SRF: variants seen among roughly 807,000 people sequenced by gnomAD.
SRF encodes the protein serum response factor, also known as c-fos serum response element-binding transcription factor.
In SRF, 7 loss-of-function variants were observed where a neutral mutation model predicts 37.1. The observed-to-expected ratio is 0.19, with a 90% CI of 0.11 to 0.35. The LOEUF is 0.35. Ranked by LOEUF, SRF falls within the 10% of genes least tolerant of loss-of-function variation. SRF has a pLI of 1.00. For synonymous variants in SRF, 285 were observed against 310.1 expected, an observed-to-expected ratio of 0.92 and a Z score of 0.85; for missense variants, 395 against 694.4, an observed-to-expected ratio of 0.57 and a Z score of 4.85.
rs1239029148 is a variant in SRF at position 43,172,212 on chromosome 6, G to GT, written c.513+44dup. 1.3e-6 allele frequency: 2 copies of GT among 1,586,000 alleles called. No homozygotes were observed. The highest frequency in any genetic ancestry group is 1.7e-6 in the Non-Finnish European group (2 of 1,171,872). On this transcript the variant is annotated intron_variant, in intron 1 of 6. Coordinates refer to ENST00000265354, the MANE Select transcript of SRF (RefSeq NM_003131.4). The surrounding 1 kb of genome is among the most constrained non-coding windows in gnomAD (Gnocchi z 5.7). ...TGGCCGGCCCCGGGGCCCGGTTGGG[G>GT]TGGGGATGTGCAAAGGGAGCCCGGG... is the stretch of plus-strand genomic sequence containing the variant.
At position 43,171,887 on chromosome 6, in the gene SRF, C is replaced by T; in HGVS notation, c.231C>T (p.Ser77=). 1 of 1,403,654 alleles carries T rather than the reference C, an allele frequency of 7.1e-7. No homozygotes were observed. The highest frequency in any genetic ancestry group is 9.2e-7 in the Non-Finnish European group (1 of 1,083,226). The allele number at this position is 1,403,654 out of a possible 1,614,324, so 86.9% of individuals were successfully genotyped here. A position where few individuals can be genotyped will look rare whatever the true frequency, so the allele number is the denominator to read the frequency against. ...CGCCCACCGCGGGGGCCCTCTACAGCGGCAGCGAGGGCGACTCGGAGTCGG... is the reference window on the plus strand; with the variant it reads ...CGCCCACCGCGGGGGCCCTCTACAGTGGCAGCGAGGGCGACTCGGAGTCGG... ...TPAPTAGALY[S]GSEGDSESGE... Residue 77 remains serine, a synonymous_variant, in exon 1 of 7, where the codon AGC becomes AGT. Transcript: ENST00000265354. The surrounding 1 kb of genome is among the most constrained non-coding windows in gnomAD (Gnocchi z 6.5).
In SRF at chr6:43,178,862, T is replaced by A. The variant is rs747014595; in HGVS notation, c.1411T>A (p.Ser471Thr). ...ASSGTVQIPV[S>T]AVQLHQMAVI... Reference sequence around the variant, plus strand: ...ATCTGGGACAGTGCAGATCCCTGTTTCAGCAGTTCAGCTCCACCAGGTAGG... The same window carrying A: ...ATCTGGGACAGTGCAGATCCCTGTTACAGCAGTTCAGCTCCACCAGGTAGG... The change falls in exon 6 of 7, where the codon TCA (serine) becomes ACA (threonine). Residue 471 changes from serine (S) to threonine (T), a missense_variant. Ser to Thr is a moderately conservative substitution (Grantham distance 58). This residue lies in a region of SRF where 232 missense variants were observed against 335.6 expected (regional missense o/e 0.69). Coordinates refer to ENST00000265354, the MANE Select transcript of SRF (RefSeq NM_003131.4). This position sits in a 1 kb window ranked among gnomAD's most constrained non-coding sequence, Gnocchi z 4.3. 5.6e-6 allele frequency: 9 copies of A among 1,614,142 alleles called. No individual in the cohort carries two copies. The African/African-American group carries it at 1.1e-4, about 19-fold the overall frequency.
chr6:43,174,445 T>A (rs959024009), intron 2 of SRF, among the ~76,000 whole-genome samples: 1 of 151,570 alleles, frequency 6.6e-6, no homozygotes, highest in Non-Finnish European at 1.5e-5. Context: ...CCGGGCTGGG[T>A]CGCCAGGGAG....
rs1214712261 is a variant in SRF, at chr6:43,173,167, A to C, written c.514-680A>C. ...GTCCCCTTCCTGGGCTCATGGCAGG[A>C]TGTTTAGTGCTAATCTAGGTCTCGT... On this transcript the variant is annotated intron_variant, in intron 1 of 6. Transcript: ENST00000265354. This position sits in a 1 kb window ranked among gnomAD's most constrained non-coding sequence, Gnocchi z 4.2. Among the ~76,000 whole-genome samples, 1 of 152,082 alleles carries C rather than the reference A, an allele frequency of 6.6e-6. No individual in the cohort carries two copies. The highest frequency in any genetic ancestry group is 2.4e-5 in the African/African-American group (1 of 41,412).
rs776515081 is a variant in SRF, at chr6:43,178,457, G to C, written c.1326G>C (p.Gln442His). Residue 442 changes from glutamine (Q) to histidine (H), a missense_variant, in exon 5 of 7, where the codon CAG (glutamine) becomes CAC (histidine). Physicochemically the swap from Gln to His is conservative, Grantham distance 24 (BLOSUM62 0). Coordinates refer to ENST00000265354, the MANE Select transcript of SRF (RefSeq NM_003131.4). This position sits in a 1 kb window ranked among gnomAD's most constrained non-coding sequence, Gnocchi z 4.3. ...TCTCCCAGGCACCATCCACCATGCA[G>C]GTGTCACACAGCCAGGTCCAGGAGC... ...NAFSQAPSTMQVSHSQVQEPG... is the reference protein window; with the variant it reads ...NAFSQAPSTMHVSHSQVQEPG... 9.9e-6 allele frequency: 16 copies of C among 1,613,928 alleles called. No homozygotes were observed. The highest frequency in any genetic ancestry group is 1.0e-5 in the Non-Finnish European group (12 of 1,179,866).
Position 43,171,637 on chromosome 6 carries a change from G to T in SRF, c.-20G>T, listed in dbSNP as rs1371911301. ...CCGATTCCTCGCTGACTGCCCGTCC[G>T]CCCTCCTGCATCGAGCGCCATGTTA... On this transcript the variant is annotated 5_prime_UTR_variant, in exon 1 of 7. Transcript: ENST00000265354. This position sits in a 1 kb window ranked among gnomAD's most constrained non-coding sequence, Gnocchi z 6.5. The T allele has an allele frequency of 1.4e-5, 17 of 1,201,780 alleles. No homozygotes were observed. Among genetic ancestry groups the T allele is most frequent in the East Asian group, 3.4e-5 (1 of 29,002 alleles). The allele number at this position is 1,201,780 out of a possible 1,614,324, so 74.4% of individuals were successfully genotyped here.
rs1293211904 is a variant in SRF, at chr6:43,174,127, G to A, written c.780+14G>A. 7 of 1,613,244 alleles carry A rather than the reference G, an allele frequency of 4.3e-6. No individual in the cohort carries two copies. The highest frequency in any genetic ancestry group is 5.9e-6 in the Non-Finnish European group (7 of 1,179,550). ...GGGGAGACCAAGGTGTGTTTGGGTT[G>A]CCTATGTGAGAGGAGGGAAGGGAGT... On this transcript the variant is annotated intron_variant, in intron 2 of 6. Transcript: ENST00000265354.
rs1772092993 is a variant in SRF at position 43,171,426 on chromosome 6, G to C, written c.-231G>C. ...GCCCGGCGCGCCGCCCTAGCAGACG[G>C]ACAGGGGGCGCTGCGCGCGGCCTGG... is the stretch of plus-strand genomic sequence containing the variant. On this transcript the variant is annotated 5_prime_UTR_variant, in exon 1 of 7. Coordinates refer to ENST00000265354, the MANE Select transcript of SRF (RefSeq NM_003131.4). The surrounding 1 kb of genome is among the most constrained non-coding windows in gnomAD (Gnocchi z 6.5). 3.3e-6 allele frequency: 1 copy of C among 298,826 alleles called. No individual in the cohort carries two copies. The highest frequency in any genetic ancestry group is 5.8e-6 in the Non-Finnish European group (1 of 172,140). 18.5% of individuals were successfully genotyped at this position (298,826 alleles called of 1,614,324 possible). A position where few individuals can be genotyped will look rare whatever the true frequency, so the allele number is the denominator to read the frequency against.
Position 43,176,286 on chromosome 6 carries a change from G to T in SRF, c.1043-262G>T, listed in dbSNP as rs185179643. ...TGACTGGAAGGCAGATCATGTCTTT[G>T]ATGGGTTATTGCCAGCTCTTGGGTC... On this transcript the variant is annotated intron_variant, in intron 3 of 6. Transcript: ENST00000265354. The surrounding 1 kb of genome is among the most constrained non-coding windows in gnomAD (Gnocchi z 4.0). Among the ~76,000 whole-genome samples, 1 of 152,336 alleles carries T rather than the reference G, an allele frequency of 6.6e-6. No homozygotes were observed. The highest frequency in any genetic ancestry group is 1.5e-5 in the Non-Finnish European group (1 of 68,024).
At chr6:43,177,783 C>T (rs888047392) in intron 4 of SRF, among the ~76,000 whole-genome samples, 2 of 151,466 alleles carry the variant, frequency 1.3e-5, no homozygotes, top group African/African-American at 4.8e-5. Context: ...GGCTTGATGG[C>T]AGGCATCTGT....
chr6:43,177,228 GTTTT>G (rs544658252), intron 4 of SRF, among the ~76,000 whole-genome samples: 2 of 116,806 alleles, frequency 1.7e-5, no homozygotes, highest in Admixed American at 9.0e-5. Context: ...ATCGGAGTCT[GTTTT>G]TTTTTTTTTT....
chr6:43,177,668 C>A (rs1328405950), intron 4 of SRF, among the ~76,000 whole-genome samples: 1 of 150,924 alleles, frequency 6.6e-6, no homozygotes, highest in South Asian at 2.1e-4. Context: ...GTAATCCCAG[C>A]GCTTTGGGAG....
rs761124326 is a variant in SRF, at chr6:43,175,961, A to C, written c.1036A>C (p.Met346Leu). 84 of 1,610,986 alleles carry C rather than the reference A, an allele frequency of 5.2e-5. No individual in the cohort carries two copies. The South Asian group carries it at 8.7e-4, about 17-fold the overall frequency. The stretch of plus-strand genomic sequence containing the variant: ...GCAGCTGCCTACCAGCTTCACCCTC[A>C]TGCCTGGTGAGTCACGAGGGGCAGG... ...LMQLPTSFTL[M>L]PGGAVAQQVP... The change falls in exon 3 of 7, where the codon ATG becomes CTG. Residue 346 changes from methionine to leucine, a missense_variant. By Grantham distance (15) the Met-to-Leu change is conservative. Coordinates refer to ENST00000265354, the MANE Select transcript of SRF (RefSeq NM_003131.4).
In SRF at chr6:43,179,021, C is replaced by G; in HGVS notation, c.1432-74C>G. The G allele has an allele frequency of 6.3e-7, 1 of 1,585,464 alleles. No individual in the cohort carries two copies. The highest frequency in any genetic ancestry group is 1.1e-5 in the South Asian group (1 of 90,344). ...CTTTTCTGCTCAGGCCTGTGGTTGG[C>G]AGGCAGGGAAGCCAGGGGAGCCTGA... On this transcript the variant is annotated intron_variant, in intron 6 of 6. Coordinates refer to ENST00000265354, the MANE Select transcript of SRF (RefSeq NM_003131.4). This position sits in a 1 kb window ranked among gnomAD's most constrained non-coding sequence, Gnocchi z 5.3.
rs1324905108 is a variant in SRF, at chr6:43,172,413, C to A, written c.513+244C>A. 8 of 985,154 alleles carry A rather than the reference C, an allele frequency of 8.1e-6. No individual in the cohort carries two copies. Among genetic ancestry groups the A allele is most frequent in the Non-Finnish European group, 9.6e-6 (8 of 829,914 alleles). 61.0% of individuals were successfully genotyped at this position (985,154 alleles called of 1,614,324 possible). A position where few individuals can be genotyped will look rare whatever the true frequency, so the allele number is the denominator to read the frequency against. ...GGAAAGGCGCAGAGGTGGGAGTGAC[C>A]GGCGCCAGAGAGGAAGAGGGCCCTT... On this transcript the variant is annotated intron_variant, in intron 1 of 6. Coordinates refer to ENST00000265354, the MANE Select transcript of SRF (RefSeq NM_003131.4). This position sits in a 1 kb window ranked among gnomAD's most constrained non-coding sequence, Gnocchi z 5.7.
In SRF at chr6:43,176,609, A is replaced by T; in HGVS notation, c.1104A>T (p.Gln368His). Residue 368 changes from glutamine (Q) to histidine (H), a missense_variant, in exon 4 of 7, where the codon CAA becomes CAT. Around this residue, in one of 4 missense-constraint regions of SRF, gnomAD observed 232 missense variants for 335.6 expected, o/e 0.69. Transcript: ENST00000265354. This position sits in a 1 kb window ranked among gnomAD's most constrained non-coding sequence, Gnocchi z 4.0. The stretch of plus-strand genomic sequence containing the variant: ...TTCAAGTGCACCAGGCCCCACAGCA[A>T]GCGTCTCCCTCCCGTGACAGCAGCA... ...QAIQVHQAPQ[Q>H]ASPSRDSSTD... 6.2e-7 allele frequency: 1 copy of T among 1,614,140 alleles called. No homozygotes were observed. The highest frequency in any genetic ancestry group is 2.2e-5 in the East Asian group (1 of 44,878).
At position 43,173,664 on chromosome 6, in the gene SRF, A is replaced by T. The variant is rs1772146922; in HGVS notation, c.514-183A>T. Among the ~76,000 whole-genome samples the T allele has an allele frequency of 6.6e-6, 1 of 152,078 alleles. No individual in the cohort carries two copies. The highest frequency in any genetic ancestry group is 2.4e-5 in the African/African-American group (1 of 41,382). On this transcript the variant is annotated intron_variant, in intron 1 of 6. Transcript: ENST00000265354. This position sits in a 1 kb window ranked among gnomAD's most constrained non-coding sequence, Gnocchi z 4.2. The stretch of plus-strand genomic sequence containing the variant: ...CAATGGGGCTGCTCCTCAAAGGAGG[A>T]GCATGGGTAGTTTTGCTGCTTCCAG...
In SRF at chr6:43,179,198, G is replaced by A. The variant is rs754750407; in HGVS notation, c.*8G>A. The A allele has an allele frequency of 1.5e-5, 25 of 1,613,984 alleles. No homozygotes were observed. Among genetic ancestry groups the A allele is most frequent in the South Asian group, 6.6e-5 (6 of 91,074 alleles). On this transcript the variant is annotated 3_prime_UTR_variant, in exon 7 of 7. Coordinates refer to ENST00000265354, the MANE Select transcript of SRF (RefSeq NM_003131.4). This position sits in a 1 kb window ranked among gnomAD's most constrained non-coding sequence, Gnocchi z 5.3. ...AGCACCAAGAGTGAATGATCCGCCC[G>A]CCGCCCTGGACAGATGGCCCAAGGG...
chr6:43,177,072 G>A (rs1026452448), intron 4 of SRF, among the ~76,000 whole-genome samples: 14 of 152,126 alleles, frequency 9.2e-5, no homozygotes, highest in African/African-American at 3.1e-4. Flanking sequence ...CAGAAATGAT[G>A]AGATACTCTC....
Sources: allele counts gnomAD v4.1 joint callset (sites outside exome capture counted in the v4.1 genomes callset), GRCh38; gene constraint gnomAD v4.1.1; regional missense constraint gnomAD v4.1.1; non-coding constraint Gnocchi (gnomAD v3.1); transcripts MANE v1.5; gene names NCBI Gene and HGNC (gene_info 2026-07-23, HGNC 2026-07-21).